Variants in MXI1 observed in about 807,000 individuals in gnomAD.
MXI1 encodes max-interacting protein 1.
Under a neutral mutation model 36.9 loss-of-function variants are expected in MXI1, and 18 were observed. The observed-to-expected ratio is 0.49, with a 90% CI of 0.34 to 0.72. The LOEUF (loss-of-function observed/expected upper bound fraction) is 0.72. MXI1 is among the 30% of genes least tolerant of loss of function. The pLI, the probability that MXI1 is intolerant of heterozygous loss-of-function variation, is 0.01. For missense variants in MXI1, 304 were observed against 379.1 expected (o/e 0.80, Z 1.64); for synonymous variants, 160 against 146.7 (o/e 1.09, Z -0.65).
At chr10:110,251,083 C>T (rs955164988) in intron 3 of MXI1, among the ~76,000 whole-genome samples, 1 of 138,322 alleles carries the variant, frequency 7.2e-6, no homozygotes. Context: ...CATATAAGGA[C>T]TTTCACCTAC....
chr10:110,263,835 A>T (rs978002745), intron 3 of MXI1, among the ~76,000 whole-genome samples: 8 of 152,208 alleles, frequency 5.3e-5, no homozygotes, highest in Non-Finnish European at 1.2e-4. Context: ...AGAATTATTT[A>T]CAGAAATAGA....
intron 3 of MXI1, among the ~76,000 whole-genome samples, chr10:110,275,615 TG>T (rs1486608967): frequency 6.6e-6 from 1 of 152,218 alleles, no homozygotes; most frequent in Non-Finnish European, 1.5e-5. Flanking sequence ...TAAGGACATG[TG>T]GTAACTGTGT....
Position 110,207,928 on chromosome 10 carries a change from G to A in MXI1, c.120G>A (p.Glu40=), listed in dbSNP as rs1246104870. 21 of 1,554,294 alleles carry A rather than the reference G, an allele frequency of 1.4e-5. No individual in the cohort carries two copies. The highest frequency in any genetic ancestry group is 1.7e-5 in the Non-Finnish European group (20 of 1,152,362). ...VAAPQPPALP[E]DPAGAKPRCP... ...CGCCCCAGCCCCCGGCCCTGCCCGA[G>A]GACCCCGCTGGGGCCAAGCCCAGGT... The change falls in exon 1 of 6, where the codon GAG becomes GAA. Residue 40 remains glutamate, a synonymous_variant. Transcript: ENST00000332674.
At position 110,285,001 on chromosome 10, in the gene MXI1, A is replaced by T. The variant is rs372796107; in HGVS notation, c.*14A>T. The T allele has an allele frequency of 6.2e-7, 1 of 1,602,682 alleles. No homozygotes were observed. Among genetic ancestry groups the T allele is most frequent in the Non-Finnish European group, 8.5e-7 (1 of 1,175,338 alleles). On this transcript the variant is annotated 3_prime_UTR_variant, in exon 6 of 6. Transcript: ENST00000332674. ...TTCACTTCATAGAACCCAGCATGACATAACAGTGCAGGGCAAAATATTCAC... is the reference window on the plus strand; with the variant it reads ...TTCACTTCATAGAACCCAGCATGACTTAACAGTGCAGGGCAAAATATTCAC...
At chr10:110,221,709 A>G (rs1854811610) in intron 1 of MXI1, among the ~76,000 whole-genome samples, 1 of 152,234 alleles carries the variant, frequency 6.6e-6, no homozygotes, top group African/African-American at 2.4e-5. Flanking sequence ...CAGCTGTTTG[A>G]GCATTTGCCA....
chr10:110,223,506 A>C (rs945804055), intron 1 of MXI1, among the ~76,000 whole-genome samples: 2 of 152,066 alleles, frequency 1.3e-5, no homozygotes, highest in Non-Finnish European at 2.9e-5. Context: ...CGGGAGGTGG[A>C]GGTTGCAATG....
chr10:110,272,297 A>G (rs1856880269), intron 3 of MXI1, among the ~76,000 whole-genome samples: 2 of 152,236 alleles, frequency 1.3e-5, no homozygotes, highest in Non-Finnish European at 1.5e-5. Flanking sequence ...AAAAAATGAG[A>G]AATCCAAAAC....
At chr10:110,249,779 A>T (rs902297451) in intron 3 of MXI1, among the ~76,000 whole-genome samples, 2 of 152,180 alleles carry the variant, frequency 1.3e-5, no homozygotes, top group African/African-American at 4.8e-5. Context: ...TGTGGGTCAT[A>T]GTCAAAACCT....
intron 1 of MXI1, among the ~76,000 whole-genome samples, chr10:110,225,632 G>A (rs575547221): frequency 6.6e-6 from 1 of 152,302 alleles, no homozygotes; most frequent in South Asian, 2.1e-4. Context: ...CTCAGCCCCT[G>A]GGCAACCGCA....
chr10:110,229,661 A>G (rs544710373), intron 2 of MXI1, among the ~76,000 whole-genome samples: 27 of 152,316 alleles, frequency 1.8e-4, no homozygotes, highest in Admixed American at 1.5e-3. Flanking sequence ...AGCTTGATGT[A>G]CTATCTGTGT....
intron 1 of MXI1, among the ~76,000 whole-genome samples, chr10:110,224,162 G>A (rs548661930): frequency 6.6e-6 from 1 of 152,120 alleles, no homozygotes; most frequent in African/African-American, 2.4e-5. Flanking sequence ...GAATGACCAC[G>A]GGAGGGGGAA....
intron 1 of MXI1, among the ~76,000 whole-genome samples, chr10:110,221,238 C>T (rs1473298814): frequency 6.6e-6 from 1 of 152,206 alleles, no homozygotes; most frequent in Non-Finnish European, 1.5e-5. Flanking sequence ...GAGTTCTAAC[C>T]CTTATTCCAT....
rs1406150098 is a variant in MXI1 at position 110,286,432 on chromosome 10, C to A, written c.*1445C>A. 1 of 151,662 alleles carries A rather than the reference C, an allele frequency of 6.6e-6. No individual in the cohort carries two copies. The highest frequency in any genetic ancestry group is 1.5e-5 in the Non-Finnish European group (1 of 67,954). The allele number at this position is 151,662 out of a possible 1,614,324, so 9.4% of individuals were successfully genotyped here. On this transcript the variant is annotated 3_prime_UTR_variant, in exon 6 of 6. Coordinates refer to ENST00000332674, the MANE Select transcript of MXI1 (RefSeq NM_130439.3). ...TTACCCTGGGAAGGCCTCTTGGAGA[C>A]CTTACCCCTGGCTGTTTGGACTTTG... is the stretch of plus-strand genomic sequence containing the variant.
chr10:110,226,385 A>C, intron 1 of MXI1: 1 of 988,964 alleles, frequency 1.0e-6, no homozygotes, highest in Non-Finnish European at 1.2e-6. Flanking sequence ...TGCGCGCATG[A>C]GGTGAGGTGT....
chr10:110,236,353 A>G (rs974562887), intron 2 of MXI1, among the ~76,000 whole-genome samples: 26 of 151,694 alleles, frequency 1.7e-4, no homozygotes, highest in Non-Finnish European at 3.5e-4. Context: ...TAATTATTAT[A>G]GTTTTTCAAA....
intron 3 of MXI1, among the ~76,000 whole-genome samples, chr10:110,246,858 TATCTG>T (rs1436552043): frequency 6.6e-6 from 1 of 152,186 alleles, no homozygotes; most frequent in Non-Finnish European, 1.5e-5. Context: ...AGGAAGGACA[TATCTG>T]GCTATTTTAA....
intron 3 of MXI1, among the ~76,000 whole-genome samples, chr10:110,264,076 A>AGTGTGTGT (rs34472977): frequency 1.3e-5 from 2 of 150,700 alleles, no homozygotes; most frequent in East Asian, 1.9e-4. Flanking sequence ...ATAATTTAAA[A>AGTGTGTGT]GTGTGTGTGT....
chr10:110,232,309 C>A (rs764465257), intron 2 of MXI1, among the ~76,000 whole-genome samples: 5 of 152,082 alleles, frequency 3.3e-5, no homozygotes, highest in Admixed American at 1.3e-4. Context: ...CTTCAGTACG[C>A]GTTTTCTTCT....
chr10:110,276,613 A>AC (rs1554859447), intron 3 of MXI1, among the ~76,000 whole-genome samples: 1 of 150,362 alleles, frequency 6.7e-6, no homozygotes, highest in East Asian at 2.0e-4. Flanking sequence ...TAAAGTTAAC[A>AC]TTTTTTTTTT....
Sources: gnomAD v4.1 joint callset for allele counts (sites outside exome capture counted in the v4.1 genomes callset) on GRCh38, gnomAD v4.1.1 for gene constraint, MANE v1.5 for transcripts, NCBI Gene and HGNC (gene_info 2026-07-23, HGNC 2026-07-21) for gene names.